Variants in MTRF1 observed in about 807,000 individuals in gnomAD.
The protein encoded by MTRF1 is mitochondrial translation release factor 1, also known as peptide chain release factor 1, mitochondrial.
In MTRF1, 51 loss-of-function variants were observed where a neutral mutation model predicts 62.9. The observed-to-expected ratio is 0.81, with a 90% CI of 0.65 to 1.02. MTRF1 has a LOEUF of 1.02. Among genes scored for constraint, MTRF1 ranks in the 50% least tolerant of loss-of-function variants. The probability of loss-of-function intolerance (pLI) is 0.00; values close to 1 mark genes in which losing one functional copy is unlikely to be tolerated. For synonymous variants in MTRF1, 158 were observed against 181.9 expected (o/e 0.87, Z 1.06); for missense variants, 446 against 530.0 (o/e 0.84, Z 1.56).
chr13:41,238,657 G>T (rs2138931363), intron 6 of MTRF1, among the ~76,000 whole-genome samples: 1 of 152,272 alleles, frequency 6.6e-6, no homozygotes, highest in South Asian at 2.1e-4. Context: ...ATTAGGAACA[G>T]GATATATGTA....
At chr13:41,274,894 T>C in the MTRF1 span, among the ~76,000 whole-genome samples, 1 of 152,054 alleles carries the variant, frequency 6.6e-6, no homozygotes, top group Non-Finnish European at 1.5e-5. Flanking sequence ...ATTACAGACA[T>C]GAGCCTCCGT....
chr13:41,273,195 G>A, the MTRF1 span, among the ~76,000 whole-genome samples: 21 of 152,136 alleles, frequency 1.4e-4, no homozygotes, highest in East Asian at 3.9e-4. Flanking sequence ...GCGTGGTGGT[G>A]GGCGCCTGTA....
the MTRF1 span, among the ~76,000 whole-genome samples, chr13:41,289,771 C>T: frequency 9.3e-4 from 142 of 152,296 alleles, no homozygotes; most frequent in African/African-American, 3.4e-3. Context: ...AGCCTGCAGC[C>T]GGCATTGGTC....
the MTRF1 span, among the ~76,000 whole-genome samples, chr13:41,270,506 T>C: frequency 6.6e-6 from 1 of 152,194 alleles, no homozygotes; most frequent in African/African-American, 2.4e-5. Context: ...TTTTTTCTCT[T>C]ATACTTTCAA....
intron 6 of MTRF1, chr13:41,236,562 G>T (rs1753212146): frequency 6.6e-6 from 1 of 152,172 alleles, no homozygotes; most frequent in South Asian, 2.1e-4. Context: ...ACACTGTTTA[G>T]CTGATTGTTC....
chr13:41,218,336 C>T (rs1345757093), intron 9 of MTRF1, among the ~76,000 whole-genome samples: 2 of 142,972 alleles, frequency 1.4e-5, no homozygotes, highest in Non-Finnish European at 3.0e-5. Flanking sequence ...TGCCATGCTG[C>T]CCAGGATGGT....
chr13:41,227,236 G>A (rs1047869752), intron 7 of MTRF1, among the ~76,000 whole-genome samples: 6 of 151,400 alleles, frequency 4.0e-5, no homozygotes, highest in African/African-American at 1.2e-4. Context: ...GCAGTCAGCC[G>A]AGATTATGCC....
chr13:41,252,609 A>C (rs1490655775), intron 5 of MTRF1, 36 bp downstream of exon 5: 3 of 1,490,654 alleles, frequency 2.0e-6, no homozygotes, highest in Non-Finnish European at 2.8e-6. Flanking sequence ...AATAATTTTC[A>C]GTATCTCCTA....
upstream of MTRF1, among the ~76,000 whole-genome samples, chr13:41,267,897 G>T (rs1032063810): frequency 1.3e-4 from 19 of 151,602 alleles, no homozygotes; most frequent in African/African-American, 3.9e-4. Flanking sequence ...TAAAAAGCTT[G>T]CTTTCTGAAC....
At chr13:41,292,019 T>A in the MTRF1 span, among the ~76,000 whole-genome samples, 1 of 152,206 alleles carries the variant, frequency 6.6e-6, no homozygotes, top group South Asian at 2.1e-4. Flanking sequence ...ATATAAGGAA[T>A]CTCTGTTCAA....
At chr13:41,255,156 A>G (rs891414067) in intron 2 of MTRF1, among the ~76,000 whole-genome samples, 1 of 152,206 alleles carries the variant, frequency 6.6e-6, no homozygotes, top group African/African-American at 2.4e-5. Flanking sequence ...ATTATCCAAG[A>G]GAAGTCAGAA....
chr13:41,230,489 C>G (rs775534952), intron 7 of MTRF1, among the ~76,000 whole-genome samples: 9 of 151,566 alleles, frequency 5.9e-5, no homozygotes, highest in Non-Finnish European at 8.8e-5. Flanking sequence ...GTCTTGAACT[C>G]CCGACCTCAG....
the MTRF1 span, among the ~76,000 whole-genome samples, chr13:41,273,240 G>T: frequency 5.3e-5 from 8 of 151,788 alleles, no homozygotes; most frequent in Non-Finnish European, 1.0e-4. Flanking sequence ...GCAGGAGAAT[G>T]GCATGAACCC....
chr13:41,267,498 A>T (rs1169101722), upstream of MTRF1, among the ~76,000 whole-genome samples: 1 of 152,214 alleles, frequency 6.6e-6, no homozygotes, highest in Non-Finnish European at 1.5e-5. Flanking sequence ...TTCATTGATT[A>T]GCTAGAACCT....
intron 2 of MTRF1, among the ~76,000 whole-genome samples, chr13:41,260,214 T>A (rs1380164773): frequency 6.6e-6 from 1 of 152,026 alleles, no homozygotes; most frequent in Admixed American, 6.6e-5. Flanking sequence ...GTGGCTATAA[T>A]CATATCGCTT....
chr13:41,257,827 T>A (rs754824047), intron 2 of MTRF1: 1 of 441,084 alleles, frequency 2.3e-6, no homozygotes, highest in South Asian at 1.6e-5. Context: ...GGAGGGGGAA[T>A]AATCATATAT....
At chr13:41,260,400 GA>G (rs2040307045) in intron 2 of MTRF1, 92 bp downstream of exon 2, 1 of 1,202,684 alleles carries the variant, frequency 8.3e-7, no homozygotes, top group Non-Finnish European at 1.2e-6. Flanking sequence ...CTTTAACTTA[GA>G]AAATCAAATC....
At chr13:41,227,039 C>T (rs547758249) in intron 7 of MTRF1, among the ~76,000 whole-genome samples, 5 of 152,166 alleles carry the variant, frequency 3.3e-5, no homozygotes, top group East Asian at 1.9e-4. Context: ...ACCTGTAATC[C>T]GAGGATTTTG....
In MTRF1 at chr13:41,248,840, A is replaced by G. The variant is rs145521026; in HGVS notation, c.697+3805T>C. ...TCCCTTTAATGTGGAAAATATTTCA[A>G]TTCATTTGATACCAGGTTTACAGAT... On this transcript the variant is annotated intron_variant, in intron 5 of 9. Coordinates refer to ENST00000379480, the MANE Select transcript of MTRF1 (RefSeq NM_004294.4). Among the ~76,000 whole-genome samples the G allele has an allele frequency of 8.1e-3, 1,233 of 152,326 alleles. 17 individuals carry two copies. The highest frequency in any genetic ancestry group is 0.027 in the African/African-American group (1,139 of 41,572).
Sources: gnomAD v4.1 joint callset for allele counts (sites outside exome capture counted in the v4.1 genomes callset) on GRCh38, gnomAD v4.1.1 for gene constraint, MANE v1.5 for transcripts, NCBI Gene and HGNC (gene_info 2026-07-23, HGNC 2026-07-21) for gene names.